The following KIF13A variants were observed in gnomAD, a reference collection of about 807,000 sequenced individuals.
The protein encoded by KIF13A is kinesin-like protein KIF13A.
KIF13A carries 79 observed loss-of-function variants against 212.2 expected under a neutral mutation model. The observed-to-expected ratio is 0.37, with a 90% CI of 0.31 to 0.45. The LOEUF (loss-of-function observed/expected upper bound fraction) is 0.45, where lower values mean the gene tolerates loss of function less well. KIF13A is among the 20% of genes least tolerant of loss of function. The pLI, the probability that KIF13A is intolerant of heterozygous loss-of-function variation, is 1.00. For synonymous variants in KIF13A, 789 were observed against 808.6 expected (o/e 0.98, Z 0.41); for missense variants, 1,901 against 2,209.0 (o/e 0.86, Z 2.79).
At chr6:17,875,746 T>C (rs1770497129) in intron 3 of KIF13A, among the ~76,000 whole-genome samples, 1 of 152,136 alleles carries the variant, frequency 6.6e-6, no homozygotes, top group Non-Finnish European at 1.5e-5. Context: ...TGAGCCACCA[T>C]GCCTGGCCCT....
In KIF13A at chr6:17,794,689, C is replaced by T. The variant is rs200085172; in HGVS notation, c.2958G>A (p.Thr986=). The T allele has an allele frequency of 1.1e-4, 180 of 1,609,894 alleles. No individual in the cohort carries two copies. Among genetic ancestry groups the T allele is most frequent in the African/African-American group, 1.6e-4 (12 of 74,824 alleles). The part of the protein sequence containing the change: ...RTLHDRWNEV[T]RRIEMWISIL... The stretch of plus-strand genomic sequence containing the variant: ...TGGAGATCCACATTTCTATTCTTCG[C>T]GTTACTTCATTCCACCTGCAGAAAC... The change falls in exon 24 of 39, where the codon ACG becomes ACA. Residue 986 remains threonine (T), a synonymous_variant. Coordinates refer to ENST00000259711, the MANE Select transcript of KIF13A (RefSeq NM_022113.6). This position sits in a 1 kb window ranked among gnomAD's most constrained non-coding sequence, Gnocchi z 4.1.
intron 7 of KIF13A, among the ~76,000 whole-genome samples, chr6:17,851,625 C>A (rs1418315984): frequency 6.6e-6 from 1 of 152,196 alleles, no homozygotes; most frequent in Non-Finnish European, 1.5e-5. Context: ...GTACTAACTG[C>A]CAAATACTGT....
At chr6:17,893,625 A>G (rs915993086) in intron 3 of KIF13A, among the ~76,000 whole-genome samples, 4 of 152,062 alleles carry the variant, frequency 2.6e-5, no homozygotes, top group Admixed American at 6.6e-5. Context: ...AATGCACAAT[A>G]TAAGTGGTTA....
intron 2 of KIF13A, among the ~76,000 whole-genome samples, chr6:17,980,726 G>C (rs1036230280): frequency 1.3e-5 from 2 of 152,170 alleles, no homozygotes; most frequent in Non-Finnish European, 2.9e-5. Context: ...AAAAAGTTTT[G>C]TATGACAAGA....
chr6:17,971,923 T>A lies in KIF13A; in HGVS notation c.146+15131A>T, dbSNP rs1779838958. On this transcript the variant is annotated intron_variant, in intron 2 of 38. Transcript: ENST00000259711. This position sits in a 1 kb window ranked among gnomAD's most constrained non-coding sequence, Gnocchi z 4.2. The stretch of plus-strand genomic sequence containing the variant: ...ATCTAGCTAGAGAGCTTAAAAAAAA[T>A]GTCCCTAGGATTACAGTAGACCAGC... Among the ~76,000 whole-genome samples, 1 of 152,114 alleles carries A rather than the reference T, an allele frequency of 6.6e-6. No individual in the cohort carries two copies. The highest frequency in any genetic ancestry group is 1.5e-5 in the Non-Finnish European group (1 of 68,010).
chr6:17,845,276 C>T (rs1386143133), intron 9 of KIF13A, among the ~76,000 whole-genome samples: 1 of 152,120 alleles, frequency 6.6e-6, no homozygotes, highest in East Asian at 1.9e-4. Flanking sequence ...ATGGAAGCTA[C>T]AATTCAAGAT....
At chr6:17,864,655 T>C (rs1769184411) in intron 4 of KIF13A, among the ~76,000 whole-genome samples, 3 of 152,186 alleles carry the variant, frequency 2.0e-5, no homozygotes, top group Admixed American at 2.0e-4. Flanking sequence ...CACTTATGGC[T>C]AATTTTTTAT....
chr6:17,800,884 C>G (rs1561989917), intron 20 of KIF13A, among the ~76,000 whole-genome samples: 1 of 151,928 alleles, frequency 6.6e-6, no homozygotes. Context: ...CAATCATAAG[C>G]CACCGTGTCC....
chr6:17,908,078 C>CA (rs1371346223), intron 2 of KIF13A, among the ~76,000 whole-genome samples: 1 of 152,120 alleles, frequency 6.6e-6, no homozygotes, highest in Non-Finnish European at 1.5e-5. Flanking sequence ...GACAGAAAGA[C>CA]AGAACACAAA....
chr6:17,888,793 C>T lies in KIF13A; in HGVS notation c.159+9375G>A, dbSNP rs1771781564. On this transcript the variant is annotated intron_variant, in intron 3 of 38. Coordinates refer to ENST00000259711, the MANE Select transcript of KIF13A (RefSeq NM_022113.6). The surrounding 1 kb of genome is among the most constrained non-coding windows in gnomAD (Gnocchi z 4.8). ...TGAGCCGAGACTGTGCCACTGCACT[C>T]CAGCCTGGGTGACAGAGTGAGACCC... Among the ~76,000 whole-genome samples, 1 of 151,696 alleles carries T rather than the reference C, an allele frequency of 6.6e-6. No homozygotes were observed. The highest frequency in any genetic ancestry group is 1.5e-5 in the Non-Finnish European group (1 of 67,930).
chr6:17,985,577 C>G (rs955206987), intron 2 of KIF13A, among the ~76,000 whole-genome samples: 2 of 135,370 alleles, frequency 1.5e-5, no homozygotes, highest in Admixed American at 1.8e-4. Context: ...TTCCCCCAGA[C>G]TGCTTTCAAG....
At chr6:17,936,548 A>G (rs1776483361) in intron 2 of KIF13A, among the ~76,000 whole-genome samples, 1 of 152,192 alleles carries the variant, frequency 6.6e-6, no homozygotes, top group Admixed American at 6.5e-5. Context: ...GCAAATGTTT[A>G]AGAAGAAAAT....
At chr6:17,782,431 T>G (rs1172906164) in intron 29 of KIF13A, among the ~76,000 whole-genome samples, 5 of 151,166 alleles carry the variant, frequency 3.3e-5, no homozygotes, top group Admixed American at 3.3e-4. Flanking sequence ...AGGTCAGGAG[T>G]GCAAGACAAG....
At chr6:17,844,240 T>C (rs1766806705) in intron 9 of KIF13A, among the ~76,000 whole-genome samples, 1 of 152,174 alleles carries the variant, frequency 6.6e-6, no homozygotes, top group South Asian at 2.1e-4. Flanking sequence ...AAGAAAATGG[T>C]AATAGCTACA....
At chr6:17,860,840 A>G (rs1768698631) in intron 4 of KIF13A, among the ~76,000 whole-genome samples, 1 of 152,178 alleles carries the variant, frequency 6.6e-6, no homozygotes, top group African/African-American at 2.4e-5. Flanking sequence ...ATAAGACTAC[A>G]GTAGGCCTTT....
At chr6:17,827,220 G>A (rs1041280035) in intron 14 of KIF13A, among the ~76,000 whole-genome samples, 7 of 148,082 alleles carry the variant, frequency 4.7e-5, no homozygotes, top group African/African-American at 7.4e-5. Flanking sequence ...TCAGCCTCCC[G>A]AGTAGCAGAG....
chr6:17,907,683 G>A (rs775599094), intron 2 of KIF13A, among the ~76,000 whole-genome samples: 11 of 152,172 alleles, frequency 7.2e-5, no homozygotes, highest in Non-Finnish European at 1.3e-4. Context: ...AAATGTAGAT[G>A]CAGATGTGTT....
At chr6:17,790,878 T>C (rs1761475357) in intron 25 of KIF13A, among the ~76,000 whole-genome samples, 2 of 152,136 alleles carry the variant, frequency 1.3e-5, no homozygotes, top group African/African-American at 4.8e-5. Context: ...CTTGAAAGAA[T>C]CATAACTGTC....
chr6:17,803,405 T>C (rs1421086606), intron 20 of KIF13A, among the ~76,000 whole-genome samples: 1 of 152,140 alleles, frequency 6.6e-6, no homozygotes, highest in Non-Finnish European at 1.5e-5. Context: ...GAGGGTGGGC[T>C]GTGCACTTAC....
Sources: gnomAD v4.1 joint callset for allele counts (sites outside exome capture counted in the v4.1 genomes callset) on GRCh38, gnomAD v4.1.1 for gene constraint, Gnocchi (gnomAD v3.1) non-coding constraint, MANE v1.5 for transcripts, NCBI Gene and HGNC (gene_info 2026-07-23, HGNC 2026-07-21) for gene names.